Variants in TMEM184B observed in about 807,000 individuals in gnomAD.
TMEM184B encodes transmembrane protein 184B.
Under a neutral mutation model 41.8 loss-of-function variants are expected in TMEM184B, and 17 were observed. The ratio of observed to expected loss-of-function variants is 0.41; its 90% CI spans 0.28 to 0.61. TMEM184B has a LOEUF of 0.61. TMEM184B is among the 20% of genes least tolerant of loss of function. The pLI, the probability that TMEM184B is intolerant of heterozygous loss-of-function variation, is 0.34. For synonymous variants in TMEM184B, 240 were observed against 229.5 expected, an observed-to-expected ratio of 1.05 and a Z score of -0.41; for missense variants, 393 against 557.8, an observed-to-expected ratio of 0.70 and a Z score of 2.98.
chr22:38,268,838 C>T (rs2092480762), intron 1 of TMEM184B, among the ~76,000 whole-genome samples: 2 of 152,246 alleles, frequency 1.3e-5, no homozygotes, highest in African/African-American at 4.8e-5. Flanking sequence ...CCCAGCTGCA[C>T]TCGGCTCCTG....
rs1298832982 is a variant in TMEM184B, at chr22:38,272,932, C to T, written c.-107G>A. The T allele has an allele frequency of 1.3e-5, 7 of 521,444 alleles. No individual in the cohort carries two copies. Among genetic ancestry groups the T allele is most frequent in the East Asian group, 1.5e-4 (1 of 6,638 alleles). The allele number at this position is 521,444 out of a possible 1,614,324, so 32.3% of individuals were successfully genotyped here. ...GCGTCTGCGGACGATGCGCGGCAGCCGGACTCTGCGGGCGGGGCGGGCGGC... is the reference window on the plus strand; with the variant it reads ...GCGTCTGCGGACGATGCGCGGCAGCTGGACTCTGCGGGCGGGGCGGGCGGC... On this transcript the variant is annotated 5_prime_UTR_variant, in exon 1 of 9. Transcript: ENST00000361906.
intron 8 of TMEM184B, chr22:38,222,325 A>C (rs570705162): frequency 6.5e-6 from 1 of 153,822 alleles, no homozygotes; most frequent in African/African-American, 2.4e-5. Flanking sequence ...GATGTAAGGG[A>C]CGAGCCCACC....
chr22:38,266,947 G>A (rs763191355), intron 1 of TMEM184B, among the ~76,000 whole-genome samples: 7 of 152,052 alleles, frequency 4.6e-5, no homozygotes, highest in African/African-American at 7.2e-5. Context: ...GCCGGGCGCC[G>A]TGGCAGGTGC....
chr22:38,231,537 C>T, intron 3 of TMEM184B: 1 of 695,280 alleles, frequency 1.4e-6, no homozygotes. Flanking sequence ...AAACCCGGCA[C>T]ACCTAAATTA....
At chr22:38,234,466 T>C (rs2091718532) in intron 3 of TMEM184B, among the ~76,000 whole-genome samples, 1 of 152,070 alleles carries the variant, frequency 6.6e-6, no homozygotes, top group African/African-American at 2.4e-5. Flanking sequence ...ACAAACTATC[T>C]CCCCTGCACC....
chr22:38,255,201 T>C (rs1258519851), intron 1 of TMEM184B, among the ~76,000 whole-genome samples: 2 of 152,138 alleles, frequency 1.3e-5, no homozygotes, highest in African/African-American at 4.8e-5. Flanking sequence ...AATTTTTGTA[T>C]TTTTAGTAGA....
chr22:38,240,311 T>C (rs560042175), intron 3 of TMEM184B, among the ~76,000 whole-genome samples: 2 of 151,064 alleles, frequency 1.3e-5, no homozygotes, highest in African/African-American at 2.4e-5. Context: ...AGAAAAAGAA[T>C]GGAGAGAGCT....
chr22:38,267,938 G>C (rs1374644785), intron 1 of TMEM184B, among the ~76,000 whole-genome samples: 1 of 152,154 alleles, frequency 6.6e-6, no homozygotes, highest in Admixed American at 6.6e-5. Context: ...CCCAAGCATA[G>C]GGCTTCAGCC....
chr22:38,231,795 G>A (rs2091633510), intron 3 of TMEM184B: 1 of 348,906 alleles, frequency 2.9e-6, no homozygotes, highest in Admixed American at 4.0e-5. Flanking sequence ...GGGAGTTCTG[G>A]GCTGTAGTGT....
At chr22:38,253,801 T>C (rs1406720424) in intron 1 of TMEM184B, among the ~76,000 whole-genome samples, 2 of 151,946 alleles carry the variant, frequency 1.3e-5, no homozygotes, top group Non-Finnish European at 2.9e-5. Context: ...ATAAGAAAAG[T>C]AAAAACTTAT....
In TMEM184B at chr22:38,226,030, C is replaced by G. The variant is rs2091426103; in HGVS notation, c.618-437G>C. On this transcript the variant is annotated intron_variant, in intron 6 of 8. Coordinates refer to ENST00000361906, the MANE Select transcript of TMEM184B (RefSeq NM_012264.5). The surrounding 1 kb of genome is among the most constrained non-coding windows in gnomAD (Gnocchi z 4.6). The stretch of plus-strand genomic sequence containing the variant: ...GCAGGGCTGTTACACAGTTCACAGA[C>G]AGTGTGTGCCGAGAGCTTGAAAGCA... 6.6e-6 allele frequency among the ~76,000 whole-genome samples: 1 copy of G among 151,862 alleles called. No individual in the cohort carries two copies. The highest frequency in any genetic ancestry group is 6.6e-5 in the Admixed American group (1 of 15,238).
At position 38,239,986 on chromosome 22, in the gene TMEM184B, G is replaced by A. The variant is rs1292051473; in HGVS notation, c.358+5949C>T. Among the ~76,000 whole-genome samples the A allele has an allele frequency of 2.0e-5, 3 of 151,444 alleles. No individual in the cohort carries two copies. Among genetic ancestry groups the A allele is most frequent in the Non-Finnish European group, 4.4e-5 (3 of 67,944 alleles). On this transcript the variant is annotated intron_variant, in intron 3 of 8. Transcript: ENST00000361906. The surrounding 1 kb of genome is among the most constrained non-coding windows in gnomAD (Gnocchi z 4.6). ...CGGGTAGAGATGAGGTCGAGGTCTC[G>A]CTCAGTTGCCCAGGCTGGAGTGCAG...
chr22:38,252,202 G>C (rs1318346621), intron 1 of TMEM184B, among the ~76,000 whole-genome samples: 1 of 152,102 alleles, frequency 6.6e-6, no homozygotes, highest in Admixed American at 6.5e-5. Context: ...TGGGACTACA[G>C]GCATGAGCCA....
chr22:38,265,180 C>G (rs191210433), intron 1 of TMEM184B, among the ~76,000 whole-genome samples: 3 of 152,286 alleles, frequency 2.0e-5, no homozygotes, highest in African/African-American at 4.8e-5. Flanking sequence ...TCTCATTCCT[C>G]TGTGTGTGCT....
At chr22:38,217,434 A>T (rs2146030174), downstream of TMEM184B, among the ~76,000 whole-genome samples, 1 of 128,046 alleles carries the variant, frequency 7.8e-6, no homozygotes, top group East Asian at 2.2e-4. Context: ...AGGTCAGGAG[A>T]TCGAGACCAT....
chr22:38,272,743 C>G (rs1375467888), intron 1 of TMEM184B, 141 bp downstream of exon 1: 1 of 985,188 alleles, frequency 1.0e-6, no homozygotes, highest in Non-Finnish European at 1.2e-6. Context: ...CACCGGCCTC[C>G]GTAGTGCCCT....
chr22:38,244,319 C>A (rs2091977915), intron 3 of TMEM184B, among the ~76,000 whole-genome samples: 1 of 152,040 alleles, frequency 6.6e-6, no homozygotes, highest in Non-Finnish European at 1.5e-5. Context: ...AAACAGACAA[C>A]TTCTGGGCAT....
At chr22:38,246,857 C>T (rs2092042328) in intron 2 of TMEM184B, 1 of 1,302,982 alleles carries the variant, frequency 7.7e-7, no homozygotes, top group South Asian at 1.2e-5. Context: ...GCTCTCATGA[C>T]ATCACACTTG....
chr22:38,225,510 A>G lies in TMEM184B; in HGVS notation c.701T>C (p.Phe234Ser). 1 of 1,601,850 alleles carries G rather than the reference A, an allele frequency of 6.2e-7. No homozygotes were observed. Among genetic ancestry groups the G allele is most frequent in the Non-Finnish European group, 8.5e-7 (1 of 1,175,714 alleles). ...LALYALFLFY[F>S]ATRELLSPYS... Reference sequence around the variant, plus strand: ...GGGGCTGAGCAGCTCCCGGGTGGCGAAGTAGAAGAGGAAGAGGGCGTAGAG... The same window carrying G: ...GGGGCTGAGCAGCTCCCGGGTGGCGGAGTAGAAGAGGAAGAGGGCGTAGAG... The change falls in exon 7 of 9, where the codon TTC becomes TCC. Residue 234 changes from phenylalanine (F) to serine (S), a missense_variant. Phe to Ser is a radical substitution (Grantham distance 155). Coordinates refer to ENST00000361906, the MANE Select transcript of TMEM184B (RefSeq NM_012264.5). The surrounding 1 kb of genome is among the most constrained non-coding windows in gnomAD (Gnocchi z 4.4).
Sources: allele counts gnomAD v4.1 joint callset (sites outside exome capture counted in the v4.1 genomes callset), GRCh38; gene constraint gnomAD v4.1.1; non-coding constraint Gnocchi (gnomAD v3.1); transcripts MANE v1.5; gene names NCBI Gene and HGNC (gene_info 2026-07-23, HGNC 2026-07-21).